The following KCNJ6 variants were observed in gnomAD, a reference collection of about 807,000 sequenced individuals.
KCNJ6 encodes the protein G protein-activated inward rectifier potassium channel 2.
A neutral mutation model predicts 34.2 loss-of-function variants in KCNJ6; 9 were observed. The ratio of observed to expected loss-of-function variants is 0.26; its 90% confidence interval spans 0.16 to 0.46. The LOEUF is 0.46. Among genes scored for constraint, KCNJ6 ranks in the 20% least tolerant of loss-of-function variants. The pLI is 1.00. For missense variants in KCNJ6, 236 were observed against 531.3 expected (o/e 0.44, Z 5.46); for synonymous variants, 196 against 207.1 (o/e 0.95, Z 0.46).
intron 3 of KCNJ6, among the ~76,000 whole-genome samples, chr21:37,638,400 G>T (rs573709512): frequency 6.6e-6 from 1 of 152,240 alleles, no homozygotes; most frequent in South Asian, 2.1e-4. Context: ...ACCCTTCTTA[G>T]CCTCCCAAAG....
chr21:37,863,965 C>T (rs542694600), intron 1 of KCNJ6, among the ~76,000 whole-genome samples: 7 of 148,412 alleles, frequency 4.7e-5, no homozygotes, highest in Non-Finnish European at 1.0e-4. Context: ...CAGGAAAGAC[C>T]ATATGAAAAT....
chr21:37,752,231 T>C (rs2054999590), intron 2 of KCNJ6, among the ~76,000 whole-genome samples: 1 of 151,218 alleles, frequency 6.6e-6, no homozygotes, highest in African/African-American at 2.4e-5. Context: ...TTTGGAGGGG[T>C]TTTCCAGGAT....
At chr21:37,881,605 T>A (rs1333975441) in intron 1 of KCNJ6, among the ~76,000 whole-genome samples, 3 of 152,134 alleles carry the variant, frequency 2.0e-5, no homozygotes, top group African/African-American at 2.4e-5. Flanking sequence ...AATCTCCAAC[T>A]CCTGGGCACA....
At chr21:37,687,872 A>AT (rs2054622627) in intron 3 of KCNJ6, among the ~76,000 whole-genome samples, 1 of 152,206 alleles carries the variant, frequency 6.6e-6, no homozygotes, top group South Asian at 2.1e-4. Flanking sequence ...TCTTAGTTGT[A>AT]TTCTAGAGTC....
chr21:37,666,375 G>A (rs1351493270), intron 3 of KCNJ6, among the ~76,000 whole-genome samples: 1 of 152,180 alleles, frequency 6.6e-6, no homozygotes, highest in African/African-American at 2.4e-5. Flanking sequence ...CCTGTGGGAT[G>A]AGCACCATGA....
At chr21:37,747,649 G>A (rs577641888) in intron 2 of KCNJ6, among the ~76,000 whole-genome samples, 3 of 152,216 alleles carry the variant, frequency 2.0e-5, no homozygotes, top group Non-Finnish European at 2.9e-5. Context: ...GAGGGAGAAC[G>A]AGAGAGATGG....
rs1305640113 is a variant in KCNJ6 at position 37,714,467 on chromosome 21, G to A, written c.690C>T (p.Ser230=). Residue 230 remains serine, a synonymous_variant, in exon 3 of 4, where the codon TCC becomes TCT. Coordinates refer to ENST00000609713, the MANE Select transcript of KCNJ6 (RefSeq NM_002240.5). This position sits in a 1 kb window ranked among gnomAD's most constrained non-coding sequence, Gnocchi z 5.9. ...CTCTGATGGAAGCCTCCACAATGTG[G>A]GAATTCCTAAGGTCCCCTACCCGGA... The part of the protein sequence containing the change: ...LMFRVGDLRN[S]HIVEASIRAK... The A allele has an allele frequency of 1.9e-6, 3 of 1,614,042 alleles. No individual in the cohort carries two copies. Among genetic ancestry groups the A allele is most frequent in the Non-Finnish European group, 2.5e-6 (3 of 1,180,034 alleles).
chr21:37,661,023 C>A (rs2054485826), intron 3 of KCNJ6, among the ~76,000 whole-genome samples: 1 of 152,124 alleles, frequency 6.6e-6, no homozygotes, highest in African/African-American at 2.4e-5. Context: ...GATCTTTTGG[C>A]CAAAATACAA....
intron 2 of KCNJ6, among the ~76,000 whole-genome samples, chr21:37,784,059 A>G (rs945692227): frequency 1.3e-5 from 2 of 152,222 alleles, no homozygotes; most frequent in African/African-American, 4.8e-5. Flanking sequence ...GTATTTTGTT[A>G]TAGTGACGTG....
chr21:37,903,942 G>A, intron 1 of KCNJ6, among the ~76,000 whole-genome samples: 1 of 152,266 alleles, frequency 6.6e-6, no homozygotes, highest in African/African-American at 2.4e-5. Flanking sequence ...ACTTTATATT[G>A]GTAGAGAGTA....
intron 1 of KCNJ6, among the ~76,000 whole-genome samples, chr21:37,880,772 T>A (rs2055703694): frequency 6.6e-6 from 1 of 152,240 alleles, no homozygotes; most frequent in African/African-American, 2.4e-5. Flanking sequence ...GTGAAGCATA[T>A]TTCCCAAGCT....
chr21:37,731,285 A>G lies in KCNJ6; in HGVS notation c.26-16154T>C, dbSNP rs146070448. ...GGGGCTTGTGTTTGGGATATGGGTCAACACTAGAGAGAGGATGCTGGGGAT... is the reference window on the plus strand; with the variant it reads ...GGGGCTTGTGTTTGGGATATGGGTCGACACTAGAGAGAGGATGCTGGGGAT... On this transcript the variant is annotated intron_variant, in intron 2 of 3. Coordinates refer to ENST00000609713, the MANE Select transcript of KCNJ6 (RefSeq NM_002240.5). 1.7e-3 allele frequency among the ~76,000 whole-genome samples: 263 copies of G among 152,304 alleles called. 2 individuals are homozygous for G. The highest frequency in any genetic ancestry group is 4.1e-3 in the South Asian group (20 of 4,826).
intron 2 of KCNJ6, among the ~76,000 whole-genome samples, chr21:37,749,694 A>G (rs2054985244): frequency 6.6e-6 from 1 of 152,208 alleles, no homozygotes; most frequent in Non-Finnish European, 1.5e-5. Flanking sequence ...TCATGATCCA[A>G]AGGAACTTCT....
At chr21:37,789,614 A>C (rs1320903077) in intron 2 of KCNJ6, among the ~76,000 whole-genome samples, 1 of 152,222 alleles carries the variant, frequency 6.6e-6, no homozygotes, top group Non-Finnish European at 1.5e-5. Flanking sequence ...TTGAGGATGA[A>C]AGGTTAACTT....
intron 3 of KCNJ6, 86 bp from the exon 4 acceptor site, chr21:37,625,570 G>T: frequency 1.1e-6 from 1 of 945,058 alleles, no homozygotes. Flanking sequence ...GAGGAGTACT[G>T]CATGCAGCTG....
At chr21:37,682,286 G>T (rs1052226929) in intron 3 of KCNJ6, among the ~76,000 whole-genome samples, 1 of 152,172 alleles carries the variant, frequency 6.6e-6, no homozygotes, top group Non-Finnish European at 1.5e-5. Flanking sequence ...GCTTCTTCTG[G>T]CTTCTCAGGG....
At chr21:37,818,203 TGTGC>T (rs1322036242) in intron 2 of KCNJ6, among the ~76,000 whole-genome samples, 48 of 74,838 alleles carry the variant, frequency 6.4e-4, no homozygotes, top group South Asian at 1.1e-3. Flanking sequence ...CGTGTGTGTG[TGTGC>T]GTGCGTGTGT....
chr21:37,867,622 G>T (rs993789192), intron 1 of KCNJ6, among the ~76,000 whole-genome samples: 2 of 152,096 alleles, frequency 1.3e-5, no homozygotes, highest in Non-Finnish European at 2.9e-5. Flanking sequence ...GGGCCAAACG[G>T]TAATAAAAGC....
rs1033900600 is a variant in KCNJ6 at position 37,615,655 on chromosome 21, A to G, written c.*9504T>C. On this transcript the variant is annotated 3_prime_UTR_variant, in exon 4 of 4. Coordinates refer to ENST00000609713, the MANE Select transcript of KCNJ6 (RefSeq NM_002240.5). ...CTGGAACTTTGCTCTGGGGGCAAAA[A>G]TGAGTATTTCTGATTTGAAATCAGG... 2 of 152,166 alleles carry G rather than the reference A, an allele frequency of 1.3e-5. No individual in the cohort carries two copies. The highest frequency in any genetic ancestry group is 4.8e-5 in the African/African-American group (2 of 41,432). 9.4% of individuals were successfully genotyped at this position (152,166 alleles called of 1,614,324 possible). A position where few individuals can be genotyped will look rare whatever the true frequency, so the allele number is the denominator to read the frequency against.
Sources: allele counts gnomAD v4.1 joint callset (sites outside exome capture counted in the v4.1 genomes callset), GRCh38; gene constraint gnomAD v4.1.1; non-coding constraint Gnocchi (gnomAD v3.1); transcripts MANE v1.5; gene names NCBI Gene and HGNC (gene_info 2026-07-23, HGNC 2026-07-21).